Variants in PEG3 observed in about 807,000 individuals in gnomAD.
The protein encoded by PEG3 is paternally expressed 3, also known as paternally-expressed gene 3 protein.
Under a neutral mutation model 35.5 loss-of-function variants are expected in PEG3, and 23 were observed. That is an observed-to-expected ratio of 0.65 (90% CI 0.47 to 0.92). The LOEUF (loss-of-function observed/expected upper bound fraction) is 0.92, where lower values mean the gene tolerates loss of function less well. Ranked by LOEUF, PEG3 falls within the 40% of genes least tolerant of loss-of-function variation. The pLI is 0.00. For synonymous variants in PEG3, 707 were observed against 697.0 expected, an observed-to-expected ratio of 1.01 and a Z score of -0.23; for missense variants, 1,960 against 1,985.3, an observed-to-expected ratio of 0.99 and a Z score of 0.24.
chr19:56,839,891 C>T (rs1219040960), intron 1 of PEG3, among the ~76,000 whole-genome samples: 1 of 152,254 alleles, frequency 6.6e-6, no homozygotes, highest in African/African-American at 2.4e-5. Context: ...CCCCATCTGC[C>T]GCCAACCAAC....
At chr19:56,827,922 C>T (rs1237602592) in intron 2 of PEG3, among the ~76,000 whole-genome samples, 1 of 152,130 alleles carries the variant, frequency 6.6e-6, no homozygotes, top group African/African-American at 2.4e-5. Context: ...ATCGCAATTG[C>T]CTCTGGGGAA....
chr19:56,839,897 C>G (rs1327053735), intron 1 of PEG3, among the ~76,000 whole-genome samples: 1 of 152,240 alleles, frequency 6.6e-6, no homozygotes, highest in East Asian at 1.9e-4. Flanking sequence ...CTGCCGCCAA[C>G]CAACCAAGGC....
rs2059595833 is a variant in PEG3, at chr19:56,812,364, A to G, written c.*1311T>C. 1 of 984,992 alleles carries G rather than the reference A, an allele frequency of 1.0e-6. No homozygotes were observed. The highest frequency in any genetic ancestry group is 1.2e-6 in the Non-Finnish European group (1 of 829,538). 61.0% of individuals were successfully genotyped at this position (984,992 alleles called of 1,614,324 possible). ...GAAGGAACAGATGTTAACAAAACAA[A>G]TTAAGGCTGCTGGGGAACCTGAGTC... is the stretch of plus-strand genomic sequence containing the variant. On this transcript the variant is annotated 3_prime_UTR_variant, in exon 10 of 10. Transcript: ENST00000326441.
At chr19:56,819,630 C>T (rs543213202) in intron 7 of PEG3, among the ~76,000 whole-genome samples, 14 of 152,152 alleles carry the variant, frequency 9.2e-5, no homozygotes, top group Non-Finnish European at 1.5e-4. Context: ...GCTATGCAGC[C>T]TTGGGAACGG....
rs2146362051 is a variant in PEG3 at position 56,824,402 on chromosome 19, A to T, written c.254T>A (p.Ile85Asn). 1 of 1,614,102 alleles carries T rather than the reference A, an allele frequency of 6.2e-7. No individual in the cohort carries two copies. Reference protein sequence around the residue: ...LQPETRTKEEIIELLVLEQYL... With the variant: ...LQPETRTKEENIELLVLEQYL... ...CTGCTCAAGGACCAAGAGCTCGATG[A>T]TCTCCTCCTTGGTGCGGGTCTCCGG... Residue 85 changes from isoleucine (I) to asparagine (N), a missense_variant, in exon 4 of 10, where the codon ATC (isoleucine) becomes AAC (asparagine). Ile to Asn is a moderately radical substitution (Grantham distance 149). Transcript: ENST00000326441.
chr19:56,829,020 C>T (rs1416291369), intron 2 of PEG3, among the ~76,000 whole-genome samples: 1 of 152,036 alleles, frequency 6.6e-6, no homozygotes, highest in East Asian at 1.9e-4. Flanking sequence ...ACAAATATAG[C>T]CAAGTAGATA....
At chr19:56,828,331 G>A (rs575371192) in intron 2 of PEG3, among the ~76,000 whole-genome samples, 1 of 152,284 alleles carries the variant, frequency 6.6e-6, no homozygotes, top group East Asian at 1.9e-4. Context: ...GTTGCAATCT[G>A]AATATACCCC....
Position 56,824,529 on chromosome 19 carries a change from C to CA in PEG3, c.126dup (p.Glu43Ter), listed in dbSNP as rs781007474. ...TTCCGAAACCTCTGATGAAAAAACTCAGAGTCAGTTGGACCTTCTCCTATG... is the reference window on the plus strand; with the variant it reads ...TTCCGAAACCTCTGATGAAAAAACTCAAGAGTCAGTTGGACCTTCTCCTATG... On this transcript the variant is annotated frameshift_variant, in exon 4 of 10. Coordinates refer to ENST00000326441, the MANE Select transcript of PEG3 (RefSeq NM_006210.3). LOFTEE classifies it high-confidence loss of function. 1.2e-5 allele frequency: 19 copies of CA among 1,614,042 alleles called. No homozygotes were observed. Among genetic ancestry groups the CA allele is most frequent in the South Asian group, 4.4e-5 (4 of 91,080 alleles).
rs766819952 is a variant in PEG3, at chr19:56,817,013, C to G, written c.1429G>C (p.Glu477Gln). Reference protein sequence around the residue: ...FVEHQIMHTRENLYEYGESFI... With the variant: ...FVEHQIMHTRQNLYEYGESFI... ...GACTCACCATACTCATAGAGGTTCTCTCTAGTATGCATGATCTGGTGCTCA... is the reference window on the plus strand; with the variant it reads ...GACTCACCATACTCATAGAGGTTCTGTCTAGTATGCATGATCTGGTGCTCA... The change falls in exon 10 of 10, where the codon GAG becomes CAG. Residue 477 changes from glutamate to glutamine, a missense_variant. Physicochemically the swap from Glu to Gln is conservative, Grantham distance 29. Transcript: ENST00000326441. 3 of 1,613,982 alleles carry G rather than the reference C, an allele frequency of 1.9e-6. No individual in the cohort carries two copies. Among genetic ancestry groups the G allele is most frequent in the South Asian group, 1.1e-5 (1 of 91,082 alleles).
intron 6 of PEG3, 71 bp from the exon 7 acceptor site, chr19:56,821,825 C>A: frequency 6.4e-7 from 1 of 1,551,408 alleles, no homozygotes; most frequent in South Asian, 1.1e-5. Context: ...TTGTCCCACT[C>A]AACTATGAAG....
intron 2 of PEG3, chr19:56,833,376 G>C (rs2061762071): frequency 2.8e-6 from 1 of 354,350 alleles, no homozygotes; most frequent in Admixed American, 3.9e-5. Context: ...AGCGTGGTGT[G>C]TGGTCTCGTC....
chr19:56,829,486 G>A (rs1011958886), intron 2 of PEG3, among the ~76,000 whole-genome samples: 24 of 152,284 alleles, frequency 1.6e-4, no homozygotes, highest in African/African-American at 5.1e-4. Context: ...GGGAAGGGAC[G>A]AGCACCACTG....
chr19:56,814,287 C>A lies in PEG3; in HGVS notation c.4155G>T (p.Leu1385=), dbSNP rs756167154. The A allele has an allele frequency of 4.3e-6, 7 of 1,613,810 alleles. No individual in the cohort carries two copies. In the East Asian group the frequency reaches 1.6e-4, roughly 36 times the overall value. ...EANVHVPQVV[L]RIQGLNVEAA... Reference sequence around the variant, plus strand: ...CCTCTACGTTTAAGCCCTGAATCCTCAGAACTACTTGTGGAACATGGACAT... The same window carrying A: ...CCTCTACGTTTAAGCCCTGAATCCTAAGAACTACTTGTGGAACATGGACAT... The change falls in exon 10 of 10, where the codon CTG becomes CTT. Residue 1385 remains leucine (L), a synonymous_variant. Transcript: ENST00000326441. This position sits in a 1 kb window ranked among gnomAD's most constrained non-coding sequence, Gnocchi z 5.8.
At chr19:56,825,420 A>G (rs749140034) in intron 3 of PEG3, among the ~76,000 whole-genome samples, 53 of 152,256 alleles carry the variant, frequency 3.5e-4, no homozygotes, top group African/African-American at 1.3e-3. Flanking sequence ...TAATCTGTCT[A>G]AAAGAACCGG....
At position 56,813,747 on chromosome 19, in the gene PEG3, T is replaced by G; in HGVS notation, c.4695A>C (p.Lys1565Asn). 6.2e-7 allele frequency: 1 copy of G among 1,614,126 alleles called. No individual in the cohort carries two copies. Among genetic ancestry groups the G allele is most frequent in the Non-Finnish European group, 8.5e-7 (1 of 1,180,030 alleles). Reference sequence around the variant, plus strand: ...TGAAGAGCTGCCCACAGACGTCACATTTGAAGTACTTCTCATCAGCTTGAT... The same window carrying G: ...TGAAGAGCTGCCCACAGACGTCACAGTTGAAGTACTTCTCATCAGCTTGAT... ...GANQADEKYFKCDVCGQLFND... is the reference protein window; with the variant it reads ...GANQADEKYFNCDVCGQLFND... Residue 1565 changes from lysine (K) to asparagine (N), a missense_variant, in exon 10 of 10, where the codon AAA becomes AAC. Coordinates refer to ENST00000326441, the MANE Select transcript of PEG3 (RefSeq NM_006210.3).
chr19:56,827,445 C>CGAAG (rs2061154122), intron 2 of PEG3, among the ~76,000 whole-genome samples: 2 of 152,030 alleles, frequency 1.3e-5, no homozygotes, highest in Non-Finnish European at 2.9e-5. Flanking sequence ...TGAGCTACTT[C>CGAAG]CCACCATGGC....
At chr19:56,831,649 C>G (rs553367195) in intron 2 of PEG3, among the ~76,000 whole-genome samples, 22 of 152,242 alleles carry the variant, frequency 1.4e-4, no homozygotes, top group Non-Finnish European at 2.4e-4. Flanking sequence ...GGAATGAAAA[C>G]AAAGTATTTA....
At chr19:56,824,196 A>G in intron 4 of PEG3, 66 bp downstream of exon 4, 1 of 1,566,210 alleles carries the variant, frequency 6.4e-7, no homozygotes, top group Non-Finnish European at 8.7e-7. Context: ...AGAAGTGTGG[A>G]GGCTGAGAGC....
At chr19:56,819,055 G>A (rs749006618) in intron 7 of PEG3, among the ~76,000 whole-genome samples, 1 of 152,194 alleles carries the variant, frequency 6.6e-6, no homozygotes, top group Non-Finnish European at 1.5e-5. Flanking sequence ...GTTCAGGGTG[G>A]GCCTGAACAG....
Sources: allele counts gnomAD v4.1 joint callset (sites outside exome capture counted in the v4.1 genomes callset), GRCh38; gene constraint gnomAD v4.1.1; non-coding constraint Gnocchi (gnomAD v3.1); transcripts MANE v1.5; gene names NCBI Gene and HGNC (gene_info 2026-07-23, HGNC 2026-07-21).